The following BRINP1 variants were observed in gnomAD, a reference collection of about 807,000 sequenced individuals.
The protein encoded by BRINP1 is BMP/retinoic acid-inducible neural-specific protein 1.
A neutral mutation model predicts 72.9 loss-of-function variants in BRINP1; 17 were observed. That is an observed-to-expected ratio of 0.23 (90% CI 0.16 to 0.35). The LOEUF is 0.35. Ranked by LOEUF, BRINP1 falls within the 10% of genes least tolerant of loss-of-function variation. The pLI is 1.00. For synonymous variants in BRINP1, 418 were observed against 378.5 expected, an observed-to-expected ratio of 1.10 and a Z score of -1.21; for missense variants, 850 against 1,001.6, an observed-to-expected ratio of 0.85 and a Z score of 2.04.
chr9:119,194,151 C>T (rs1829709265), intron 7 of BRINP1, among the ~76,000 whole-genome samples: 1 of 152,180 alleles, frequency 6.6e-6, no homozygotes, highest in Admixed American at 6.5e-5. Flanking sequence ...TTGCAATCAA[C>T]TCCACATAGA....
intron 2 of BRINP1, among the ~76,000 whole-genome samples, chr9:119,256,876 T>C (rs922621755): frequency 3.3e-5 from 5 of 152,226 alleles, no homozygotes; most frequent in Non-Finnish European, 5.9e-5. Flanking sequence ...TTCTCATGCA[T>C]GTTTTATGAC....
chr9:119,350,733 T>G (rs921728897), intron 1 of BRINP1, among the ~76,000 whole-genome samples: 3 of 152,100 alleles, frequency 2.0e-5, no homozygotes, highest in Non-Finnish European at 2.9e-5. Flanking sequence ...GTACTAGCCC[T>G]GGCCGGCTCA....
At chr9:119,337,509 A>G (rs910994413) in intron 1 of BRINP1, among the ~76,000 whole-genome samples, 1 of 152,254 alleles carries the variant, frequency 6.6e-6, no homozygotes, top group East Asian at 1.9e-4. Context: ...ATACAAGAAC[A>G]TAGCCATGTG....
intron 5 of BRINP1, among the ~76,000 whole-genome samples, chr9:119,225,948 C>T (rs1269126648): frequency 1.3e-5 from 2 of 151,924 alleles, no homozygotes; most frequent in Non-Finnish European, 1.5e-5. Flanking sequence ...TAACTTTAAA[C>T]CGTAAACATT....
chr9:119,209,061 T>C (rs985044864), intron 6 of BRINP1, 120 bp from the exon 7 acceptor site: 32 of 751,722 alleles, frequency 4.3e-5, no homozygotes, highest in Non-Finnish European at 6.5e-5. Flanking sequence ...TTTTTTTTTC[T>C]TAAGGGCCAT....
At chr9:119,216,745 T>C (rs1189118525) in intron 5 of BRINP1, among the ~76,000 whole-genome samples, 1 of 152,180 alleles carries the variant, frequency 6.6e-6, no homozygotes, top group Non-Finnish European at 1.5e-5. Context: ...CTGTAGGGGA[T>C]AAAATATTCT....
intron 2 of BRINP1, among the ~76,000 whole-genome samples, chr9:119,262,475 T>TA (rs1365917369): frequency 1.3e-5 from 2 of 151,146 alleles, no homozygotes; most frequent in Admixed American, 6.6e-5. Flanking sequence ...CTACTAAAAA[T>TA]AAAAAAATAA....
At chr9:119,320,429 T>G (rs1304624307) in intron 1 of BRINP1, among the ~76,000 whole-genome samples, 1 of 152,162 alleles carries the variant, frequency 6.6e-6, no homozygotes, top group African/African-American at 2.4e-5. Flanking sequence ...AAGATAGAAA[T>G]TCAATAGTGG....
intron 7 of BRINP1, among the ~76,000 whole-genome samples, chr9:119,206,994 G>T (rs1443449109): frequency 6.6e-6 from 1 of 152,204 alleles, no homozygotes; most frequent in African/African-American, 2.4e-5. Context: ...TAGATGCAAA[G>T]CAGTGGGCTC....
intron 7 of BRINP1, among the ~76,000 whole-genome samples, chr9:119,193,810 G>A (rs776643292): frequency 1.3e-5 from 2 of 152,154 alleles, no homozygotes; most frequent in Non-Finnish European, 2.9e-5. Context: ...AAAGACAACA[G>A]GTCTATGTAC....
At chr9:119,358,702 A>G (rs1488355173) in intron 1 of BRINP1, among the ~76,000 whole-genome samples, 14 of 152,164 alleles carry the variant, frequency 9.2e-5, no homozygotes, top group Admixed American at 9.2e-4. Context: ...TCCAAGAAAA[A>G]AAAAGAGAGA....
intron 5 of BRINP1, among the ~76,000 whole-genome samples, chr9:119,232,195 C>T (rs998593034): frequency 6.6e-6 from 1 of 152,084 alleles, no homozygotes; most frequent in Admixed American, 6.6e-5. Flanking sequence ...GAGTTCATTA[C>T]CAAATCATGT....
chr9:119,286,559 T>C (rs1006528947), intron 2 of BRINP1, among the ~76,000 whole-genome samples: 2 of 152,072 alleles, frequency 1.3e-5, no homozygotes, highest in Admixed American at 6.6e-5. Context: ...TTTAACAGAG[T>C]AACAAATTTA....
rs1017905474 is a variant in BRINP1 at position 119,167,392 on chromosome 9, A to G, written c.1978T>C (p.Tyr660His). Residue 660 changes from tyrosine to histidine, a missense_variant, in exon 8 of 8, where the codon TAT (tyrosine) becomes CAT (histidine). Coordinates refer to ENST00000265922, the MANE Select transcript of BRINP1 (RefSeq NM_014618.3). The surrounding 1 kb of genome is among the most constrained non-coding windows in gnomAD (Gnocchi z 4.3). ...IKISDVQVFG[Y>H]SLRFNADLLR... ...AGGTCGGCGTTGAACCTCAGGCTAT[A>G]CCCAAACACCTGCACGTCTGAGATC... 2 of 1,613,882 alleles carry G rather than the reference A, an allele frequency of 1.2e-6. No homozygotes were observed. The highest frequency in any genetic ancestry group is 1.7e-6 in the Non-Finnish European group (2 of 1,179,968).
At chr9:119,296,219 A>G (rs1339201830) in intron 2 of BRINP1, among the ~76,000 whole-genome samples, 1 of 152,208 alleles carries the variant, frequency 6.6e-6, no homozygotes, top group African/African-American at 2.4e-5. Context: ...TCGATGTAAA[A>G]ATGGGCTAAG....
chr9:119,201,323 A>C (rs1829803007), intron 7 of BRINP1, among the ~76,000 whole-genome samples: 1 of 152,204 alleles, frequency 6.6e-6, no homozygotes. Context: ...CTGACCTTCT[A>C]CCAATAGTCT....
At chr9:119,328,499 T>C (rs1415658891) in intron 1 of BRINP1, among the ~76,000 whole-genome samples, 1 of 152,136 alleles carries the variant, frequency 6.6e-6, no homozygotes, top group Non-Finnish European at 1.5e-5. Context: ...AATTCTAGGA[T>C]AGACCTAGAA....
At chr9:119,256,841 T>C (rs1830452014) in intron 2 of BRINP1, among the ~76,000 whole-genome samples, 1 of 152,210 alleles carries the variant, frequency 6.6e-6, no homozygotes, top group African/African-American at 2.4e-5. Context: ...TAATGACCTC[T>C]GATAAGTGGA....
intron 1 of BRINP1, among the ~76,000 whole-genome samples, chr9:119,354,131 C>G (rs1366564400): frequency 2.0e-5 from 3 of 152,044 alleles, no homozygotes; most frequent in African/African-American, 7.2e-5. Context: ...TATGGATCAT[C>G]AGAATTGCTT....
Sources: allele counts gnomAD v4.1 joint callset (sites outside exome capture counted in the v4.1 genomes callset), GRCh38; gene constraint gnomAD v4.1.1; non-coding constraint Gnocchi (gnomAD v3.1); transcripts MANE v1.5; gene names NCBI Gene and HGNC (gene_info 2026-07-23, HGNC 2026-07-21).